Variants in SRRM4 observed in about 807,000 individuals in gnomAD.
SRRM4 encodes serine/arginine repetitive matrix protein 4.
Under a neutral mutation model 68.9 loss-of-function variants are expected in SRRM4, and 33 were observed. The observed-to-expected ratio is 0.48, with a 90% CI of 0.36 to 0.64. The LOEUF is 0.64. Ranked by LOEUF, SRRM4 falls within the 30% of genes least tolerant of loss-of-function variation. The pLI, the probability that SRRM4 is intolerant of heterozygous loss-of-function variation, is 0.00. For missense variants in SRRM4, 817 were observed against 827.1 expected, an observed-to-expected ratio of 0.99 and a Z score of 0.15; for synonymous variants, 318 against 318.8, an observed-to-expected ratio of 1.00 and a Z score of 0.03.
chr12:119,088,779 A>G (rs79815777), intron 1 of SRRM4, among the ~76,000 whole-genome samples: 5,385 of 152,222 alleles, frequency 0.035, 173 homozygotes, highest in Middle Eastern at 0.16. Context: ...TAGAGAAGGC[A>G]CTCTGGGCAG....
At chr12:119,011,647 C>A (rs1349906077) in intron 1 of SRRM4, among the ~76,000 whole-genome samples, 1 of 152,146 alleles carries the variant, frequency 6.6e-6, no homozygotes, top group Non-Finnish European at 1.5e-5. Context: ...AAAATAAAAG[C>A]CACATTGGTT....
In SRRM4 at chr12:119,033,812, T is replaced by C. The variant is rs12228855; in HGVS notation, c.131+51799T>C. Reference sequence around the variant, plus strand: ...AACACTATGAATTTTCTACTGAGTATAGAATTAGCAGCACATATTAATAAA... The same window carrying C: ...AACACTATGAATTTTCTACTGAGTACAGAATTAGCAGCACATATTAATAAA... On this transcript the variant is annotated intron_variant, in intron 1 of 12. Transcript: ENST00000267260. Among the ~76,000 whole-genome samples, 317 of 152,366 alleles carry C rather than the reference T, an allele frequency of 2.1e-3. 7 individuals are homozygous for C. In the East Asian group the frequency reaches 0.051, roughly 25 times the overall value.
At chr12:118,991,794 A>T (rs1316402992) in intron 1 of SRRM4, 1 of 152,248 alleles carries the variant, frequency 6.6e-6, no homozygotes, top group Non-Finnish European at 1.5e-5. Context: ...CCCAGCACCT[A>T]GTACAGTGGC....
At chr12:119,006,568 G>C (rs1953417658) in intron 1 of SRRM4, among the ~76,000 whole-genome samples, 1 of 152,122 alleles carries the variant, frequency 6.6e-6, no homozygotes, top group South Asian at 2.1e-4. Flanking sequence ...CTGCAATATG[G>C]GATCCCTCCT....
chr12:119,080,612 G>C (rs568532274), intron 1 of SRRM4, among the ~76,000 whole-genome samples: 58 of 152,254 alleles, frequency 3.8e-4, no homozygotes, highest in Non-Finnish European at 6.5e-4. Context: ...CATGTTGCAC[G>C]TGGGAAAAAC....
At chr12:119,043,231 CTT>C (rs1166106278) in intron 1 of SRRM4, among the ~76,000 whole-genome samples, 1 of 152,192 alleles carries the variant, frequency 6.6e-6, no homozygotes, top group African/African-American at 2.4e-5. Flanking sequence ...GAGATCATGT[CTT>C]TTGCAGGGCC....
At chr12:119,039,354 G>A (rs554316285) in intron 1 of SRRM4, among the ~76,000 whole-genome samples, 82 of 152,252 alleles carry the variant, frequency 5.4e-4, no homozygotes, top group African/African-American at 1.9e-3. Context: ...TGGCTAGGGT[G>A]GTCCCTGAGT....
chr12:119,085,125 T>C (rs1205109704), intron 1 of SRRM4, among the ~76,000 whole-genome samples: 1 of 152,160 alleles, frequency 6.6e-6, no homozygotes, highest in Non-Finnish European at 1.5e-5. Context: ...GGTCTCAAAC[T>C]CCAGACCTCA....
chr12:118,983,524 CTATT>C (rs1246367998), intron 1 of SRRM4, among the ~76,000 whole-genome samples: 1 of 152,212 alleles, frequency 6.6e-6, no homozygotes, highest in East Asian at 1.9e-4. Context: ...TTTCTGCTAT[CTATT>C]CCACCTTTGG....
chr12:119,007,313 T>G (rs1027001915), intron 1 of SRRM4, among the ~76,000 whole-genome samples: 1 of 152,214 alleles, frequency 6.6e-6, no homozygotes, highest in African/African-American at 2.4e-5. Flanking sequence ...TAAATACTGA[T>G]GTACAAAAAA....
chr12:119,012,313 C>T (rs761021044), intron 1 of SRRM4, among the ~76,000 whole-genome samples: 1 of 152,212 alleles, frequency 6.6e-6, no homozygotes, highest in Non-Finnish European at 1.5e-5. Context: ...GCATCATGAC[C>T]TGGCATCTGA....
intron 8 of SRRM4, among the ~76,000 whole-genome samples, chr12:119,136,212 C>T: frequency 6.6e-6 from 1 of 152,146 alleles, no homozygotes; most frequent in East Asian, 1.9e-4. Flanking sequence ...ACAACAACCC[C>T]AGGAGAAAGG....
chr12:119,142,159 A>G (rs1024174043), intron 8 of SRRM4, among the ~76,000 whole-genome samples: 2 of 152,176 alleles, frequency 1.3e-5, no homozygotes, highest in African/African-American at 4.8e-5. Flanking sequence ...AGTAGGCAGG[A>G]CCGGGCTGTA....
rs552615163 is a variant in SRRM4 at position 119,145,235 on chromosome 12, T to C, written c.772-146T>C. On this transcript the variant is annotated intron_variant, in intron 8 of 12. Transcript: ENST00000267260. The stretch of plus-strand genomic sequence containing the variant: ...GGTATTCCTTCAGGAATTTGTGCTT[T>C]TGTTTTTTGGCGTCTCTTCTTTCTT... 3 of 710,240 alleles carry C rather than the reference T, an allele frequency of 4.2e-6. No individual in the cohort carries two copies. In the South Asian group the frequency reaches 7.2e-5, roughly 17 times the overall value. The allele number at this position is 710,240 out of a possible 1,614,324, so 44.0% of individuals were successfully genotyped here.
intron 11 of SRRM4, 21 bp downstream of exon 11, chr12:119,153,670 A>G: frequency 1.3e-6 from 2 of 1,521,654 alleles, no homozygotes; most frequent in Non-Finnish European, 8.9e-7. Context: ...CGCCCCTCAA[A>G]CTAGGCCCGT....
At chr12:119,027,634 G>C (rs892163111) in intron 1 of SRRM4, among the ~76,000 whole-genome samples, 1 of 152,282 alleles carries the variant, frequency 6.6e-6, no homozygotes, top group Admixed American at 6.5e-5. Context: ...CACAATTGGA[G>C]ACTATAATAA....
intron 1 of SRRM4, among the ~76,000 whole-genome samples, chr12:119,061,476 GT>G (rs1953812053): frequency 6.6e-6 from 1 of 152,214 alleles, no homozygotes; most frequent in African/African-American, 2.4e-5. Context: ...CTACCTGGCT[GT>G]TGCAGCCGTC....
At chr12:119,075,620 GTGA>G (rs1408303524) in intron 1 of SRRM4, among the ~76,000 whole-genome samples, 3 of 146,708 alleles carry the variant, frequency 2.0e-5, no homozygotes, top group African/African-American at 7.6e-5. Context: ...GGTGGTGATG[GTGA>G]TGATGATAGT....
intron 8 of SRRM4, among the ~76,000 whole-genome samples, chr12:119,134,384 A>T (rs1412504431): frequency 1.1e-5 from 1 of 87,514 alleles, no homozygotes; most frequent in Non-Finnish European, 2.5e-5. Flanking sequence ...AGAGATTGTA[A>T]AAAAAAAAAA....
Sources: gnomAD v4.1 joint callset for allele counts (sites outside exome capture counted in the v4.1 genomes callset) on GRCh38, gnomAD v4.1.1 for gene constraint, MANE v1.5 for transcripts, NCBI Gene and HGNC (gene_info 2026-07-23, HGNC 2026-07-21) for gene names.